KLHL6: variants seen among roughly 807,000 people sequenced by gnomAD.
The protein encoded by KLHL6 is kelch like family member 6, also known as kelch-like protein 6.
KLHL6 carries 41 observed loss-of-function variants against 58.6 expected under a neutral mutation model. The ratio of observed to expected loss-of-function variants is 0.70; its 90% CI spans 0.55 to 0.91. KLHL6 has a LOEUF of 0.91. Ranked by LOEUF, KLHL6 falls within the 40% of genes least tolerant of loss-of-function variation. The probability of loss-of-function intolerance (pLI) is 0.00; values close to 1 mark genes in which losing one functional copy is unlikely to be tolerated. For missense variants in KLHL6, 714 were observed against 805.6 expected (o/e 0.89, Z 1.38); for synonymous variants, 338 against 322.7 (o/e 1.05, Z -0.51).
At chr3:183,516,220 G>T (rs78325341) in intron 2 of KLHL6, among the ~76,000 whole-genome samples, 1 of 152,192 alleles carries the variant, frequency 6.6e-6, no homozygotes, top group East Asian at 1.9e-4. Context: ...AGTGTGAGGG[G>T]TGTAGGGCAA....
At chr3:183,555,309 C>G (rs760964592) in intron 1 of KLHL6, 52 bp downstream of exon 1, 1 of 1,530,398 alleles carries the variant, frequency 6.5e-7, no homozygotes, top group Non-Finnish European at 9.0e-7. Context: ...CACTAACACA[C>G]CTCTTCCTTG....
intron 1 of KLHL6, among the ~76,000 whole-genome samples, chr3:183,536,303 C>T (rs1216006931): frequency 1.3e-5 from 2 of 152,216 alleles, no homozygotes; most frequent in Non-Finnish European, 2.9e-5. Flanking sequence ...TGAATTGTCC[C>T]ACCAGGAGGC....
At chr3:183,518,278 G>T (rs1711625917) in intron 2 of KLHL6, among the ~76,000 whole-genome samples, 1 of 152,158 alleles carries the variant, frequency 6.6e-6, no homozygotes, top group Non-Finnish European at 1.5e-5. Flanking sequence ...CATCTGGAAA[G>T]TGCTAAGAAC....
rs1560088304 is a variant in KLHL6, at chr3:183,490,805, A to G, written c.*1122T>C. On this transcript the variant is annotated 3_prime_UTR_variant, in exon 7 of 7. Transcript: ENST00000341319. ...GGGCGACTTCATCTCAAAAAAAAAA[A>G]AAAGAGGGTTTCAATGGGAGGAGGA... 2 of 152,096 alleles carry G rather than the reference A, an allele frequency of 1.3e-5. No individual in the cohort carries two copies. The highest frequency in any genetic ancestry group is 4.8e-5 in the African/African-American group (2 of 41,386). 9.4% of individuals were successfully genotyped at this position (152,096 alleles called of 1,614,324 possible).
In KLHL6 at chr3:183,533,385, T is replaced by TC. The variant is rs1712223026; in HGVS notation, c.294-5376dup. ...TTTTCCTGGCCTCAAGTGACCCTCTTCCCTCAGGCTCCCCAGTAGCTAGGA... is the reference window on the plus strand; with the variant it reads ...TTTTCCTGGCCTCAAGTGACCCTCTTCCCCTCAGGCTCCCCAGTAGCTAGGA... On this transcript the variant is annotated intron_variant, in intron 1 of 6. Transcript: ENST00000341319. 3.3e-5 allele frequency among the ~76,000 whole-genome samples: 5 copies of TC among 151,700 alleles called. No individual in the cohort carries two copies. The South Asian group carries it at 1.0e-3, about 32-fold the overall frequency.
At chr3:183,551,506 C>T (rs1210132661) in intron 1 of KLHL6, among the ~76,000 whole-genome samples, 1 of 152,118 alleles carries the variant, frequency 6.6e-6, no homozygotes, top group Non-Finnish European at 1.5e-5. Context: ...AGAAAAGAAA[C>T]GTGATCATTG....
At chr3:183,530,944 G>A (rs1031658645) in intron 1 of KLHL6, among the ~76,000 whole-genome samples, 1 of 150,442 alleles carries the variant, frequency 6.6e-6, no homozygotes, top group Non-Finnish European at 1.5e-5. Flanking sequence ...TGATTCTCCT[G>A]CCTTAGCCTC....
At position 183,491,882 on chromosome 3, in the gene KLHL6, G is replaced by A. The variant is rs1217733276; in HGVS notation, c.*45C>T. 4.2e-6 allele frequency: 6 copies of A among 1,436,052 alleles called. No homozygotes were observed. Among genetic ancestry groups the A allele is most frequent in the Admixed American group, 2.6e-5 (1 of 37,854 alleles). The allele number at this position is 1,436,052 out of a possible 1,614,324, so 89.0% of individuals were successfully genotyped here. A position where few individuals can be genotyped will look rare whatever the true frequency, so the allele number is the denominator to read the frequency against. Reference sequence around the variant, plus strand: ...CTGGAGGAGGGTGAGAGGTGAGGCGGGTACGCTGAGGGTCGGGGGGGCTCT... The same window carrying A: ...CTGGAGGAGGGTGAGAGGTGAGGCGAGTACGCTGAGGGTCGGGGGGGCTCT... On this transcript the variant is annotated 3_prime_UTR_variant, in exon 7 of 7. Coordinates refer to ENST00000341319, the MANE Select transcript of KLHL6 (RefSeq NM_130446.4).
chr3:183,492,340 A>G lies in KLHL6; in HGVS notation c.1565-112T>C, dbSNP rs1717585337. Reference sequence around the variant, plus strand: ...GCCAAGTCTACCCTCTTGCCAAGAGAAACAGTCGATTGATGGCTCTCCTGA... The same window carrying G: ...GCCAAGTCTACCCTCTTGCCAAGAGGAACAGTCGATTGATGGCTCTCCTGA... On this transcript the variant is annotated intron_variant, in intron 6 of 6. Transcript: ENST00000341319. The surrounding 1 kb of genome is among the most constrained non-coding windows in gnomAD (Gnocchi z 5.9). The G allele has an allele frequency of 7.5e-7, 1 of 1,329,104 alleles. No individual in the cohort carries two copies. The highest frequency in any genetic ancestry group is 1.5e-5 in the African/African-American group (1 of 68,212). 82.3% of individuals were successfully genotyped at this position (1,329,104 alleles called of 1,614,324 possible). A position where few individuals can be genotyped will look rare whatever the true frequency, so the allele number is the denominator to read the frequency against.
At chr3:183,549,244 G>C (rs1712828890) in intron 1 of KLHL6, among the ~76,000 whole-genome samples, 1 of 152,152 alleles carries the variant, frequency 6.6e-6, no homozygotes, top group South Asian at 2.1e-4. Flanking sequence ...TTAAAAATCT[G>C]GCTAACAGCA....
intron 1 of KLHL6, among the ~76,000 whole-genome samples, chr3:183,535,810 C>G (rs756216639): frequency 2.6e-5 from 4 of 152,190 alleles, no homozygotes; most frequent in Non-Finnish European, 4.4e-5. Flanking sequence ...GAGTCTCGCT[C>G]TGTCGCCCAG....
chr3:183,549,332 C>G (rs1037536135), intron 1 of KLHL6, among the ~76,000 whole-genome samples: 2 of 152,186 alleles, frequency 1.3e-5, no homozygotes, highest in Admixed American at 6.5e-5. Flanking sequence ...ACACCAGGGT[C>G]AGGCCCTATA....
intron 1 of KLHL6, among the ~76,000 whole-genome samples, chr3:183,533,817 T>G (rs937796579): frequency 6.6e-6 from 1 of 152,082 alleles, no homozygotes; most frequent in South Asian, 2.1e-4. Flanking sequence ...TAATCAATGG[T>G]AACCCTCCTA....
intron 2 of KLHL6, chr3:183,522,522 C>G (rs957945471): frequency 1.8e-4 from 28 of 152,282 alleles, no homozygotes; most frequent in African/African-American, 6.7e-4. Flanking sequence ...AATAATCCAG[C>G]TGGTTTTCTT....
chr3:183,525,882 T>C (rs950861518), intron 2 of KLHL6, among the ~76,000 whole-genome samples: 1 of 152,030 alleles, frequency 6.6e-6, no homozygotes, highest in African/African-American at 2.4e-5. Context: ...TGAGTGGGAG[T>C]GATATGCATA....
At position 183,492,977 on chromosome 3, in the gene KLHL6, A is replaced by T. The variant is rs958264442; in HGVS notation, c.1351-270T>A. ...GGAATCCAGCTCTCAGGCAAGAATA[A>T]GTTTATACAGATGAAGTCAGCCAGT... is the stretch of plus-strand genomic sequence containing the variant. On this transcript the variant is annotated intron_variant, in intron 5 of 6. Transcript: ENST00000341319. The surrounding 1 kb of genome is among the most constrained non-coding windows in gnomAD (Gnocchi z 5.9). The T allele has an allele frequency of 1.1e-5, 5 of 450,326 alleles. No homozygotes were observed. The highest frequency in any genetic ancestry group is 7.3e-5 in the Admixed American group (2 of 27,468). 27.9% of individuals were successfully genotyped at this position (450,326 alleles called of 1,614,324 possible).
intron 2 of KLHL6, among the ~76,000 whole-genome samples, chr3:183,517,514 C>G (rs1424970654): frequency 1.3e-5 from 2 of 152,288 alleles, no homozygotes; most frequent in African/African-American, 4.8e-5. Flanking sequence ...TCCTGGAAGC[C>G]TCATGGAGTG....
chr3:183,545,758 T>C (rs1224875652), intron 1 of KLHL6, among the ~76,000 whole-genome samples: 1 of 152,206 alleles, frequency 6.6e-6, no homozygotes, highest in Non-Finnish European at 1.5e-5. Context: ...ATGCAGGTGG[T>C]CACATGAGCG....
chr3:183,536,567 C>T (rs556584615), intron 1 of KLHL6, among the ~76,000 whole-genome samples: 3 of 152,214 alleles, frequency 2.0e-5, no homozygotes, highest in African/African-American at 7.2e-5. Flanking sequence ...GTGAGTGAAC[C>T]TCAGCTTCCT....
Sources: allele counts gnomAD v4.1 joint callset (sites outside exome capture counted in the v4.1 genomes callset), GRCh38; gene constraint gnomAD v4.1.1; non-coding constraint Gnocchi (gnomAD v3.1); transcripts MANE v1.5; gene names NCBI Gene and HGNC (gene_info 2026-07-23, HGNC 2026-07-21).